LYPD6B: variants seen among roughly 807,000 people sequenced by gnomAD.
LYPD6B encodes the protein ly6/PLAUR domain-containing protein 6B.
Under a neutral mutation model 22.8 loss-of-function variants are expected in LYPD6B, and 17 were observed. That is an observed-to-expected ratio of 0.75 (90% CI 0.51 to 1.12). The LOEUF is 1.12. Ranked by LOEUF, LYPD6B falls within the 50% of genes most tolerant of loss-of-function variation. The pLI is 0.00. For synonymous variants in LYPD6B, 106 were observed against 91.6 expected (o/e 1.16, Z -0.90); for missense variants, 221 against 258.3 (o/e 0.86, Z 0.99).
intron 1 of LYPD6B, among the ~76,000 whole-genome samples, chr2:149,125,693 T>C (rs1687659783): frequency 6.6e-6 from 1 of 152,228 alleles, no homozygotes; most frequent in South Asian, 2.1e-4. Flanking sequence ...TTGAATTATA[T>C]GCTATTGTTG....
At chr2:149,050,114 C>T (rs1041959805) in intron 1 of LYPD6B, among the ~76,000 whole-genome samples, 11 of 152,152 alleles carry the variant, frequency 7.2e-5, no homozygotes, top group African/African-American at 2.7e-4. Context: ...TTGTATGTTG[C>T]TCTGGACTCT....
intron 1 of LYPD6B, among the ~76,000 whole-genome samples, chr2:149,073,919 C>T (rs568571239): frequency 2.6e-5 from 4 of 151,738 alleles, no homozygotes; most frequent in Admixed American, 6.6e-5. Context: ...GACGGCTGTA[C>T]GAAAGGAGAA....
At chr2:149,106,450 C>T (rs1486383332) in intron 1 of LYPD6B, among the ~76,000 whole-genome samples, 1 of 152,090 alleles carries the variant, frequency 6.6e-6, no homozygotes, top group African/African-American at 2.4e-5. Context: ...TACAATTGCT[C>T]TAATAGATGT....
intron 3 of LYPD6B, among the ~76,000 whole-genome samples, chr2:149,170,881 A>G (rs544382971): frequency 7.0e-4 from 106 of 152,344 alleles, no homozygotes; most frequent in African/African-American, 2.4e-3. Context: ...TAAACAACAC[A>G]GAATTAATCC....
intron 1 of LYPD6B, among the ~76,000 whole-genome samples, chr2:149,050,188 G>A (rs1683486927): frequency 6.6e-6 from 1 of 151,850 alleles, no homozygotes; most frequent in African/African-American, 2.4e-5. Flanking sequence ...GTAGATTTAA[G>A]ACCTGCCTTT....
At chr2:149,108,846 A>G (rs914634836) in intron 1 of LYPD6B, among the ~76,000 whole-genome samples, 5 of 151,924 alleles carry the variant, frequency 3.3e-5, no homozygotes, top group African/African-American at 7.3e-5. Flanking sequence ...CTGATTAGTT[A>G]TGCCTGTTTG....
chr2:149,181,492 T>C (rs991004049), intron 3 of LYPD6B, among the ~76,000 whole-genome samples: 4 of 152,062 alleles, frequency 2.6e-5, no homozygotes, highest in Non-Finnish European at 5.9e-5. Context: ...AGCCACTCTC[T>C]GCTGGATTCC....
At chr2:149,062,731 C>T (rs1684144613) in intron 1 of LYPD6B, among the ~76,000 whole-genome samples, 1 of 151,924 alleles carries the variant, frequency 6.6e-6, no homozygotes, top group Non-Finnish European at 1.5e-5. Flanking sequence ...AATGACAAAT[C>T]GTTGCTATGC....
intron 3 of LYPD6B, among the ~76,000 whole-genome samples, chr2:149,192,251 T>C (rs1352140448): frequency 6.6e-6 from 1 of 152,236 alleles, no homozygotes; most frequent in Admixed American, 6.5e-5. Context: ...CAGCCTTCTT[T>C]CCAGGAAACA....
intron 2 of LYPD6B, among the ~76,000 whole-genome samples, chr2:149,136,860 G>GT: frequency 6.6e-6 from 1 of 152,344 alleles, no homozygotes; most frequent in Admixed American, 6.5e-5. Flanking sequence ...CAAAGATGTA[G>GT]TTGCTGAAGG....
chr2:149,169,774 G>A (rs527674268), intron 3 of LYPD6B, among the ~76,000 whole-genome samples: 5 of 152,260 alleles, frequency 3.3e-5, no homozygotes, highest in East Asian at 1.9e-4. Flanking sequence ...GGAGGAAAGC[G>A]ACATTGATTT....
At chr2:149,054,862 G>C (rs570933620) in intron 1 of LYPD6B, among the ~76,000 whole-genome samples, 102 of 147,022 alleles carry the variant, frequency 6.9e-4, no homozygotes, top group Non-Finnish European at 1.1e-3. Context: ...CTGAGTGACA[G>C]AGTGATACCC....
intron 1 of LYPD6B, among the ~76,000 whole-genome samples, chr2:149,085,025 C>A (rs1316846474): frequency 6.6e-6 from 1 of 152,198 alleles, no homozygotes; most frequent in Non-Finnish European, 1.5e-5. Flanking sequence ...GCAAAAACAA[C>A]AAAAATTGCT....
intron 1 of LYPD6B, among the ~76,000 whole-genome samples, chr2:149,090,409 T>C (rs902048114): frequency 4.6e-5 from 7 of 152,178 alleles, no homozygotes; most frequent in African/African-American, 1.4e-4. Context: ...AATAATACAA[T>C]TGAATCAGCT....
intron 3 of LYPD6B, among the ~76,000 whole-genome samples, chr2:149,175,698 T>C (rs1691242156): frequency 6.8e-6 from 1 of 147,304 alleles, no homozygotes; most frequent in African/African-American, 2.4e-5. Flanking sequence ...TTTTTCTATT[T>C]TTAAAATTTT....
chr2:149,050,871 A>T (rs938034045), intron 1 of LYPD6B, among the ~76,000 whole-genome samples: 1 of 152,144 alleles, frequency 6.6e-6, no homozygotes, highest in Non-Finnish European at 1.5e-5. Flanking sequence ...ATATGATTTC[A>T]ACTTTTTAAA....
At chr2:149,063,448 A>G (rs1684185793) in intron 1 of LYPD6B, among the ~76,000 whole-genome samples, 1 of 152,216 alleles carries the variant, frequency 6.6e-6, no homozygotes, top group African/African-American at 2.4e-5. Context: ...AGGAATTCTT[A>G]GCTGATTGAT....
At chr2:149,159,999 A>G (rs1308587919) in intron 2 of LYPD6B, among the ~76,000 whole-genome samples, 1 of 151,834 alleles carries the variant, frequency 6.6e-6, no homozygotes, top group Non-Finnish European at 1.5e-5. Flanking sequence ...AAAATTAGCT[A>G]TCACATTAGT....
chr2:149,157,608 A>C (rs1187585316), intron 2 of LYPD6B, among the ~76,000 whole-genome samples: 1 of 152,140 alleles, frequency 6.6e-6, no homozygotes, highest in Non-Finnish European at 1.5e-5. Context: ...TCTTTTGATG[A>C]CTCACACTGT....
Sources: gnomAD v4.1 joint callset for allele counts (sites outside exome capture counted in the v4.1 genomes callset) on GRCh38, gnomAD v4.1.1 for gene constraint, MANE v1.5 for transcripts, NCBI Gene and HGNC (gene_info 2026-07-23, HGNC 2026-07-21) for gene names.